The following MEF2C variants were observed in gnomAD, a reference collection of about 807,000 sequenced individuals.
MEF2C encodes the protein myocyte-specific enhancer factor 2C.
A neutral mutation model predicts 50.5 loss-of-function variants in MEF2C; 6 were observed. The observed-to-expected ratio is 0.12, with a 90% CI of 0.07 to 0.23. The LOEUF is 0.23. Among genes scored for constraint, MEF2C ranks in the 10% least tolerant of loss-of-function variants. The probability of loss-of-function intolerance (pLI) is 1.00; values close to 1 mark genes in which losing one functional copy is unlikely to be tolerated. For missense variants in MEF2C, 276 were observed against 605.0 expected, an observed-to-expected ratio of 0.46 and a Z score of 5.70; for synonymous variants, 183 against 228.0, an observed-to-expected ratio of 0.80 and a Z score of 1.78.
chr5:88,841,136 C>G (rs1817191161), intron 1 of MEF2C, among the ~76,000 whole-genome samples: 1 of 152,170 alleles, frequency 6.6e-6, no homozygotes. Flanking sequence ...TAGTTAACTC[C>G]TAGTCTTTAC....
chr5:88,742,116 C>T (rs1341746583), intron 6 of MEF2C: 2 of 985,326 alleles, frequency 2.0e-6, no homozygotes, highest in African/African-American at 3.5e-5. Context: ...CCTTGAAGCA[C>T]CGAGTGAGAA....
intron 1 of MEF2C, among the ~76,000 whole-genome samples, chr5:88,835,070 TGTGA>T (rs1814528659): frequency 6.6e-6 from 1 of 152,224 alleles, no homozygotes; most frequent in Admixed American, 6.5e-5. Context: ...TCCCTTGAAA[TGTGA>T]GTATTTCATG....
At chr5:88,832,040 T>G (rs893873804) in intron 1 of MEF2C, among the ~76,000 whole-genome samples, 1 of 152,172 alleles carries the variant, frequency 6.6e-6, no homozygotes, top group Admixed American at 6.6e-5. Flanking sequence ...GTTAAGCATG[T>G]GTCTTATCAA....
At chr5:88,818,214 C>T (rs1418413496) in intron 2 of MEF2C, among the ~76,000 whole-genome samples, 1 of 151,828 alleles carries the variant, frequency 6.6e-6, no homozygotes, top group Non-Finnish European at 1.5e-5. Context: ...TGAATACGTA[C>T]AATTATTTGT....
chr5:88,728,907 A>G (rs573273471), intron 9 of MEF2C, among the ~76,000 whole-genome samples: 1 of 152,348 alleles, frequency 6.6e-6, no homozygotes, highest in African/African-American at 2.4e-5. Context: ...AGGTATGTAC[A>G]TATTTGATGA....
chr5:88,788,342 A>C (rs1004486428), intron 3 of MEF2C, among the ~76,000 whole-genome samples: 5 of 151,618 alleles, frequency 3.3e-5, no homozygotes, highest in Admixed American at 1.3e-4. Flanking sequence ...CTGGGATTAC[A>C]AGCGTGTGCC....
At position 88,871,030 on chromosome 5, in the gene MEF2C, T is replaced by C. The variant is rs552717916; in HGVS notation, c.-143+11925A>G. Among the ~76,000 whole-genome samples the C allele has an allele frequency of 3.9e-5, 6 of 152,202 alleles. No individual in the cohort carries two copies. In the South Asian group the frequency reaches 1.2e-3, roughly 32 times the overall value. On this transcript the variant is annotated intron_variant, in intron 1 of 10. Transcript: ENST00000504921. ...AGTATTGTTTAAACAGTTGGCTCAA[T>C]AGCGGTAGAGAGGTCCATACATAAA...
chr5:88,729,381 A>T (rs1760391319), intron 8 of MEF2C, 34 bp from the exon 9 acceptor site: 6 of 1,540,302 alleles, frequency 3.9e-6, no homozygotes, highest in Non-Finnish European at 5.3e-6. Flanking sequence ...TTACTGATGA[A>T]TTTTTTTAAA....
intron 5 of MEF2C, chr5:88,749,323 G>GA (rs1178730010): frequency 3.1e-6 from 3 of 980,058 alleles, no homozygotes; most frequent in Non-Finnish European, 3.6e-6. Context: ...ACATTTTGCA[G>GA]AATCTTTTTT....
At chr5:88,856,850 T>C (rs1002903561) in intron 1 of MEF2C, among the ~76,000 whole-genome samples, 4 of 152,252 alleles carry the variant, frequency 2.6e-5, no homozygotes, top group Non-Finnish European at 5.9e-5. Flanking sequence ...GGAACCCTCA[T>C]GGAGCTGCTA....
At chr5:88,794,942 A>G (rs1357363324) in intron 3 of MEF2C, among the ~76,000 whole-genome samples, 2 of 152,072 alleles carry the variant, frequency 1.3e-5, no homozygotes, top group African/African-American at 4.8e-5. Context: ...TGTCAAAGAT[A>G]AGATAGTTGT....
chr5:88,794,460 T>G (rs916726003), intron 3 of MEF2C, among the ~76,000 whole-genome samples: 1 of 152,224 alleles, frequency 6.6e-6, no homozygotes, highest in Non-Finnish European at 1.5e-5. Flanking sequence ...GAGGTGTCTG[T>G]TCATATCCTT....
chr5:88,891,179 A>G (rs1348837367), intron 1 of MEF2C, among the ~76,000 whole-genome samples: 1 of 152,180 alleles, frequency 6.6e-6, no homozygotes, highest in East Asian at 1.9e-4. Flanking sequence ...TTGGGATAAC[A>G]CTGTGCTTCA....
chr5:88,766,845 G>C (rs1780275696), intron 3 of MEF2C: 1 of 983,542 alleles, frequency 1.0e-6, no homozygotes, highest in Non-Finnish European at 1.2e-6. Flanking sequence ...AGAAAAAAAA[G>C]CATCAACTTA....
intron 3 of MEF2C, among the ~76,000 whole-genome samples, chr5:88,770,374 T>G (rs1781847889): frequency 6.6e-6 from 1 of 152,192 alleles, no homozygotes; most frequent in East Asian, 1.9e-4. Context: ...TTATTTTTAT[T>G]TCCTAGTTGT....
intron 1 of MEF2C, among the ~76,000 whole-genome samples, chr5:88,894,207 C>T (rs912870655): frequency 1.3e-5 from 2 of 152,126 alleles, no homozygotes; most frequent in Admixed American, 1.3e-4. Context: ...ATTTTACACA[C>T]TAAAGCTGTG....
rs185016835 is a variant in MEF2C at position 88,849,198 on chromosome 5, T to G, written c.-142-25268A>C. Among the ~76,000 whole-genome samples the G allele has an allele frequency of 6.9e-3, 1,046 of 151,612 alleles. 2 individuals are homozygous for G. The highest frequency in any genetic ancestry group is 0.01 in the Non-Finnish European group (699 of 67,860). On this transcript the variant is annotated intron_variant, in intron 1 of 10. Coordinates refer to ENST00000504921, the MANE Select transcript of MEF2C (RefSeq NM_002397.5). Reference sequence around the variant, plus strand: ...TCTTGTGCCAAATACTTTAAAATATTTTAAAGTATTTTTAATTTACTTGTT... The same window carrying G: ...TCTTGTGCCAAATACTTTAAAATATGTTAAAGTATTTTTAATTTACTTGTT...
At chr5:88,868,222 A>G (rs1406221180) in intron 1 of MEF2C, among the ~76,000 whole-genome samples, 1 of 152,150 alleles carries the variant, frequency 6.6e-6, no homozygotes, top group Non-Finnish European at 1.5e-5. Context: ...AAGCTGGGGG[A>G]AAAATATCTG....
chr5:88,788,958 A>G (rs189359764), intron 3 of MEF2C, among the ~76,000 whole-genome samples: 1 of 152,164 alleles, frequency 6.6e-6, no homozygotes, highest in Non-Finnish European at 1.5e-5. Context: ...TTGGCTTTAG[A>G]TTAGTAGTAG....
Sources: gnomAD v4.1 joint callset for allele counts (sites outside exome capture counted in the v4.1 genomes callset) on GRCh38, gnomAD v4.1.1 for gene constraint, MANE v1.5 for transcripts, NCBI Gene and HGNC (gene_info 2026-07-23, HGNC 2026-07-21) for gene names.